The following TIMM9 variants were observed in gnomAD, a reference collection of about 807,000 sequenced individuals.
TIMM9 encodes the protein mitochondrial import inner membrane translocase subunit Tim9.
A neutral mutation model predicts 13.4 loss-of-function variants in TIMM9; 10 were observed. The observed-to-expected ratio is 0.75, with a 90% CI of 0.46 to 1.26. The LOEUF (loss-of-function observed/expected upper bound fraction) is 1.26, where lower values mean the gene tolerates loss of function less well. Among genes scored for constraint, TIMM9 ranks in the 50% most tolerant of loss-of-function variants. The pLI is 0.00. For missense variants in TIMM9, 87 were observed against 100.8 expected, an observed-to-expected ratio of 0.86 and a Z score of 0.58; for synonymous variants, 32 against 32.1, an observed-to-expected ratio of 1.00 and a Z score of 0.01.
intron 2 of TIMM9, among the ~76,000 whole-genome samples, chr14:58,424,757 C>T (rs2036685775): frequency 6.6e-6 from 1 of 152,138 alleles, no homozygotes; most frequent in Admixed American, 6.5e-5. Flanking sequence ...GTCCCAGCTA[C>T]TCAGGAGGCT....
rs572897976 is a variant in TIMM9, at chr14:58,414,685, C to T, written c.-26-2714G>A. Among the ~76,000 whole-genome samples, 9 of 133,018 alleles carry T rather than the reference C, an allele frequency of 6.8e-5. No homozygotes were observed. In the South Asian group the frequency reaches 1.4e-3, roughly 20 times the overall value. 87.3% of individuals were successfully genotyped at this position (133,018 alleles called of 152,430 possible). A position where few individuals can be genotyped will look rare whatever the true frequency, so the allele number is the denominator to read the frequency against. Reference sequence around the variant, plus strand: ...CCCTTGGGCGGAGGTTGCAGTGAGCCGAGATTGCAGCACTGTACTCCAGCC... The same window carrying T: ...CCCTTGGGCGGAGGTTGCAGTGAGCTGAGATTGCAGCACTGTACTCCAGCC... On this transcript the variant is annotated intron_variant, in intron 3 of 5. Coordinates refer to ENST00000395159, the MANE Select transcript of TIMM9 (RefSeq NM_012460.4).
chr14:58,413,150 C>T (rs2036277000), intron 3 of TIMM9, among the ~76,000 whole-genome samples: 1 of 152,066 alleles, frequency 6.6e-6, no homozygotes, highest in Non-Finnish European at 1.5e-5. Flanking sequence ...TTTTGGTGAG[C>T]ATTTTACACT....
At chr14:58,417,591 TGGGA>T (rs1283546226) in intron 3 of TIMM9, among the ~76,000 whole-genome samples, 1 of 24,660 alleles carries the variant, frequency 4.1e-5, no homozygotes, top group African/African-American at 1.7e-4. Flanking sequence ...GAAAGGAGCG[TGGGA>T]GGGAGGGAGG....
rs900643624 is a variant in TIMM9, at chr14:58,419,528, C to A, written c.-27+4480G>T. On this transcript the variant is annotated intron_variant, in intron 3 of 5. Transcript: ENST00000395159. ...ACAAACACATACACACACACACACA[C>A]AAAAATACACTCCTGCCCAACTGAT... Among the ~76,000 whole-genome samples, 23 of 149,718 alleles carry A rather than the reference C, an allele frequency of 1.5e-4. No individual in the cohort carries two copies. The East Asian group carries it at 2.7e-3, about 18-fold the overall frequency.
intron 3 of TIMM9, among the ~76,000 whole-genome samples, chr14:58,417,276 C>T (rs1163189099): frequency 2.0e-5 from 3 of 151,514 alleles, no homozygotes; most frequent in Admixed American, 2.0e-4. Context: ...GACTAATACA[C>T]TGGGCAACAT....
At chr14:58,411,567 T>C (rs1260249277) in intron 4 of TIMM9, among the ~76,000 whole-genome samples, 2 of 150,722 alleles carry the variant, frequency 1.3e-5, no homozygotes, top group Non-Finnish European at 3.0e-5. Flanking sequence ...TGAGATGGAG[T>C]CTTGCTCTGT....
chr14:58,414,867 C>G (rs562685624), intron 3 of TIMM9, among the ~76,000 whole-genome samples: 5 of 152,198 alleles, frequency 3.3e-5, no homozygotes, highest in Admixed American at 3.3e-4. Context: ...GGAAACCACA[C>G]AGGGAGCCTG....
chr14:58,409,700 T>C (rs1389222508), intron 5 of TIMM9, among the ~76,000 whole-genome samples: 2 of 151,956 alleles, frequency 1.3e-5, no homozygotes, highest in Non-Finnish European at 2.9e-5. Context: ...TGCCTCAGCA[T>C]CCCGAGTAGC....
chr14:58,415,455 G>A (rs977317183), intron 3 of TIMM9, among the ~76,000 whole-genome samples: 2 of 152,178 alleles, frequency 1.3e-5, no homozygotes, highest in African/African-American at 4.8e-5. Flanking sequence ...ATACTTCAGT[G>A]AGCAATTATG....
At chr14:58,423,033 G>A (rs1485143585) in intron 3 of TIMM9, among the ~76,000 whole-genome samples, 2 of 151,608 alleles carry the variant, frequency 1.3e-5, no homozygotes, top group Non-Finnish European at 2.9e-5. Context: ...TTGAACTCCC[G>A]ACCTCAGGTA....
intron 3 of TIMM9, among the ~76,000 whole-genome samples, chr14:58,421,242 C>T (rs2036580166): frequency 6.6e-6 from 1 of 152,122 alleles, no homozygotes. Flanking sequence ...AAAAGCCAAT[C>T]CTAAAAAGTT....
At chr14:58,426,362 T>C (rs1461607218) in intron 2 of TIMM9, among the ~76,000 whole-genome samples, 7 of 151,730 alleles carry the variant, frequency 4.6e-5, no homozygotes, top group South Asian at 2.1e-4. Context: ...CGCGCCACCA[T>C]GCCCAGTTAA....
intron 3 of TIMM9, among the ~76,000 whole-genome samples, chr14:58,414,869 G>GGGAGCCTGGCTTTCCACCCCAATC (rs2036350672): frequency 6.6e-6 from 1 of 152,102 alleles, no homozygotes. Flanking sequence ...AAACCACACA[G>GGGAGCCTGGCTTTCCACCCCAATC]GGAGCCTGGC....
chr14:58,423,893 C>T (rs1358498333), intron 3 of TIMM9, 115 bp downstream of exon 3: 1 of 152,158 alleles, frequency 6.6e-6, no homozygotes, highest in Non-Finnish European at 1.5e-5. Flanking sequence ...GAATCACTGG[C>T]TTAGATCTTG....
intron 3 of TIMM9, among the ~76,000 whole-genome samples, chr14:58,422,934 G>C (rs934166282): frequency 6.6e-6 from 1 of 151,688 alleles, no homozygotes; most frequent in African/African-American, 2.4e-5. Context: ...TCAGCCTCCT[G>C]AGTAGCTGGG....
chr14:58,413,183 G>C (rs2036278272), intron 3 of TIMM9, among the ~76,000 whole-genome samples: 1 of 152,050 alleles, frequency 6.6e-6, no homozygotes. Context: ...CAATTTGAAT[G>C]CTAAATTTTC....
chr14:58,409,024 C>T lies in TIMM9; in HGVS notation c.*10G>A. On this transcript the variant is annotated 3_prime_UTR_variant, in exon 6 of 6. Transcript: ENST00000395159. Reference sequence around the variant, plus strand: ...AATCTTTCATCAAAAGTTCATCCATCAGGACTTCTCTATCGTGGTTGGCCA... The same window carrying T: ...AATCTTTCATCAAAAGTTCATCCATTAGGACTTCTCTATCGTGGTTGGCCA... 4 of 1,606,130 alleles carry T rather than the reference C, an allele frequency of 2.5e-6. No individual in the cohort carries two copies. The highest frequency in any genetic ancestry group is 3.4e-6 in the Non-Finnish European group (4 of 1,178,426).
chr14:58,419,967 T>C (rs2036539754), intron 3 of TIMM9, among the ~76,000 whole-genome samples: 1 of 152,216 alleles, frequency 6.6e-6, no homozygotes, highest in African/African-American at 2.4e-5. Flanking sequence ...CTTTTATTTA[T>C]TTTTAATAAA....
intron 4 of TIMM9, among the ~76,000 whole-genome samples, chr14:58,411,630 C>T (rs2036219988): frequency 6.6e-6 from 1 of 151,764 alleles, no homozygotes; most frequent in Admixed American, 6.6e-5. Flanking sequence ...GCCTCTGCTT[C>T]CTGGGTCAAG....
Sources: allele counts gnomAD v4.1 joint callset (sites outside exome capture counted in the v4.1 genomes callset), GRCh38; gene constraint gnomAD v4.1.1; transcripts MANE v1.5; gene names NCBI Gene and HGNC (gene_info 2026-07-23, HGNC 2026-07-21).